The following RBFOX1 variants were observed in gnomAD, a reference collection of about 807,000 sequenced individuals.
RBFOX1 encodes the protein RNA binding fox-1 homolog 1.
Under a neutral mutation model 57.7 loss-of-function variants are expected in RBFOX1, and 8 were observed. The ratio of observed to expected loss-of-function variants is 0.14; its 90% confidence interval spans 0.08 to 0.25. RBFOX1 has a LOEUF of 0.25. RBFOX1 is among the 10% of genes least tolerant of loss of function. RBFOX1 has a pLI of 1.00. For missense variants in RBFOX1, 611 were observed against 548.5 expected, an observed-to-expected ratio of 1.11 and a Z score of -1.14; for synonymous variants, 326 against 222.4, an observed-to-expected ratio of 1.47 and a Z score of -4.15.
chr16:6,669,100 G>C (rs554739648), intron 3 of RBFOX1, among the ~76,000 whole-genome samples: 1 of 152,260 alleles, frequency 6.6e-6, no homozygotes, highest in East Asian at 1.9e-4. Context: ...TGTTTTCCCA[G>C]CACTTTTGCA....
chr16:7,051,060 G>C (rs2049903315), intron 3 of RBFOX1, among the ~76,000 whole-genome samples: 1 of 151,952 alleles, frequency 6.6e-6, no homozygotes, highest in African/African-American at 2.4e-5. Context: ...ATATCCCTTA[G>C]TAAAAGTTTC....
At chr16:5,926,108 C>T (rs1171643202) in intron 4 of RBFOX1, among the ~76,000 whole-genome samples, 1 of 152,100 alleles carries the variant, frequency 6.6e-6, no homozygotes, top group African/African-American at 2.4e-5. Context: ...AATATCAGGC[C>T]ATTCAAAGAC....
intron 4 of RBFOX1, among the ~76,000 whole-genome samples, chr16:7,111,604 A>G (rs1217973262): frequency 6.6e-6 from 1 of 152,174 alleles, no homozygotes; most frequent in Non-Finnish European, 1.5e-5. Flanking sequence ...GCAGTGTCTG[A>G]GTATCCTGGG....
At chr16:5,949,093 C>T (rs1235882937) in intron 4 of RBFOX1, among the ~76,000 whole-genome samples, 1 of 152,110 alleles carries the variant, frequency 6.6e-6, no homozygotes, top group Non-Finnish European at 1.5e-5. Context: ...ATGACATGTC[C>T]TCCCCAACTA....
At chr16:6,345,943 AG>A in intron 2 of RBFOX1, among the ~76,000 whole-genome samples, 1 of 152,300 alleles carries the variant, frequency 6.6e-6, no homozygotes, top group East Asian at 1.9e-4. Flanking sequence ...CTCGAAACAA[AG>A]GCAGGAAGAC....
chr16:5,284,431 T>C (rs2063342188), intron 1 of RBFOX1, among the ~76,000 whole-genome samples: 2 of 152,340 alleles, frequency 1.3e-5, no homozygotes, highest in South Asian at 4.1e-4. Context: ...TGATGGTAGA[T>C]ATTGTTCTTT....
intron 1 of RBFOX1, among the ~76,000 whole-genome samples, chr16:5,414,418 G>A (rs569215587): frequency 4.6e-5 from 7 of 152,182 alleles, no homozygotes; most frequent in Non-Finnish European, 7.3e-5. Flanking sequence ...CCAATTAGTT[G>A]TCACTTTATG....
At chr16:6,573,180 A>G (rs562724894) in intron 2 of RBFOX1, among the ~76,000 whole-genome samples, 3 of 152,238 alleles carry the variant, frequency 2.0e-5, no homozygotes, top group South Asian at 4.1e-4. Flanking sequence ...CATCATTTCT[A>G]TGTGAAGGGA....
intron 1 of RBFOX1, among the ~76,000 whole-genome samples, chr16:6,035,574 C>G (rs140577641): frequency 2.6e-4 from 40 of 152,254 alleles, no homozygotes; most frequent in African/African-American, 9.4e-4. Flanking sequence ...CTTTTCTATT[C>G]CTGCATTTTC....
At chr16:6,711,345 A>T (rs1387285862) in intron 3 of RBFOX1, among the ~76,000 whole-genome samples, 1 of 152,132 alleles carries the variant, frequency 6.6e-6, no homozygotes, top group Non-Finnish European at 1.5e-5. Flanking sequence ...CAAGGTCCCC[A>T]CATTCTGGTC....
At chr16:7,345,842 T>C (rs1188548587) in intron 4 of RBFOX1, among the ~76,000 whole-genome samples, 2 of 152,228 alleles carry the variant, frequency 1.3e-5, no homozygotes, top group African/African-American at 4.8e-5. Context: ...TTTATTTTTA[T>C]TATACTTTAA....
chr16:7,124,056 T>G (rs1364091692), intron 4 of RBFOX1, among the ~76,000 whole-genome samples: 1 of 152,212 alleles, frequency 6.6e-6, no homozygotes, highest in Non-Finnish European at 1.5e-5. Flanking sequence ...TTAGAAATAT[T>G]ACACATATAT....
intron 4 of RBFOX1, among the ~76,000 whole-genome samples, chr16:5,926,827 C>G (rs935589502): frequency 6.6e-6 from 1 of 152,168 alleles, no homozygotes; most frequent in Non-Finnish European, 1.5e-5. Context: ...TGAGTGATTC[C>G]TTTCCTCCTA....
At chr16:6,708,475 A>G (rs187489730) in intron 3 of RBFOX1, among the ~76,000 whole-genome samples, 26 of 152,290 alleles carry the variant, frequency 1.7e-4, no homozygotes, top group African/African-American at 5.1e-4. Context: ...ATGCTGCCCA[A>G]TGAGGGTCCT....
At chr16:7,188,479 C>G (rs191716316) in intron 4 of RBFOX1, among the ~76,000 whole-genome samples, 5 of 152,264 alleles carry the variant, frequency 3.3e-5, no homozygotes, top group East Asian at 3.9e-4. Flanking sequence ...AATATGGACC[C>G]TAACTGAAGT....
At chr16:5,608,858 T>C (rs1257479583) in intron 3 of RBFOX1, among the ~76,000 whole-genome samples, 2 of 152,248 alleles carry the variant, frequency 1.3e-5, no homozygotes, top group East Asian at 3.9e-4. Flanking sequence ...GTCCGAGTGG[T>C]CCCTTCTGAA....
intron 3 of RBFOX1, among the ~76,000 whole-genome samples, chr16:6,717,052 C>G (rs1245284781): frequency 6.6e-6 from 1 of 152,192 alleles, no homozygotes; most frequent in Non-Finnish European, 1.5e-5. Context: ...AGTGAGAAGG[C>G]TGCCATGTGC....
chr16:7,356,666 T>C (rs999971537), intron 4 of RBFOX1, among the ~76,000 whole-genome samples: 7 of 152,350 alleles, frequency 4.6e-5, no homozygotes, highest in Non-Finnish European at 1.0e-4. Flanking sequence ...AGCTTTACGT[T>C]AAGGGCATTT....
Position 6,670,872 on chromosome 16 carries a change from A to T in RBFOX1, c.-16+16222A>T, listed in dbSNP as rs1473814724. Among the ~76,000 whole-genome samples the T allele has an allele frequency of 4.0e-5, 6 of 151,446 alleles. 1 individual carries two copies. Among genetic ancestry groups the T allele is most frequent in the Admixed American group, 3.9e-4 (6 of 15,220 alleles). On this transcript the variant is annotated intron_variant, in intron 3 of 15. Transcript: ENST00000550418. Reference sequence around the variant, plus strand: ...AAAATTAGCCGGGCATGGTGGCGGGAGCCTGTAGTCCCAGCTACTTGGGAG... The same window carrying T: ...AAAATTAGCCGGGCATGGTGGCGGGTGCCTGTAGTCCCAGCTACTTGGGAG...
Sources: gnomAD v4.1 joint callset for allele counts (sites outside exome capture counted in the v4.1 genomes callset) on GRCh38, gnomAD v4.1.1 for gene constraint, MANE v1.5 for transcripts, NCBI Gene and HGNC (gene_info 2026-07-23, HGNC 2026-07-21) for gene names.